The following SIN3B variants were observed in gnomAD, a reference collection of about 807,000 sequenced individuals.
SIN3B encodes the protein SIN3 transcription regulator family member B, also known as paired amphipathic helix protein Sin3b.
SIN3B carries 19 observed loss-of-function variants against 120.2 expected under a neutral mutation model. The observed-to-expected ratio is 0.16, with a 90% CI of 0.11 to 0.23. SIN3B has a LOEUF of 0.23. Among genes scored for constraint, SIN3B ranks in the 10% least tolerant of loss-of-function variants. SIN3B has a pLI of 1.00. For missense variants in SIN3B, 1,073 were observed against 1,573.0 expected, an observed-to-expected ratio of 0.68 and a Z score of 5.38; for synonymous variants, 654 against 653.2, an observed-to-expected ratio of 1.00 and a Z score of -0.02.
chr19:16,861,763 C>CAA (rs959913779), intron 8 of SIN3B, among the ~76,000 whole-genome samples: 98 of 74,426 alleles, frequency 1.3e-3, no homozygotes, highest in Middle Eastern at 7.8e-3. Context: ...AACTCTGTCT[C>CAA]AAAAAAAAAA....
chr19:16,853,737 A>G (rs2144597857), intron 7 of SIN3B, among the ~76,000 whole-genome samples: 1 of 143,570 alleles, frequency 7.0e-6, no homozygotes, highest in Non-Finnish European at 1.5e-5. Context: ...GATCACATGC[A>G]CGAACTGAAT....
chr19:16,860,669 C>T (rs1417047121), intron 8 of SIN3B, among the ~76,000 whole-genome samples: 19 of 147,448 alleles, frequency 1.3e-4, no homozygotes, highest in African/African-American at 3.8e-4. Flanking sequence ...GGCGTGATCT[C>T]GGCTCACTGC....
chr19:16,851,272 A>G (rs911728549), intron 5 of SIN3B, 140 bp from the exon 6 acceptor site: 5 of 920,268 alleles, frequency 5.4e-6, no homozygotes, highest in East Asian at 3.0e-5. Context: ...CACCTCACGC[A>G]TGGACGGAGC....
intron 3 of SIN3B, among the ~76,000 whole-genome samples, chr19:16,833,871 G>A (rs1971311331): frequency 6.6e-6 from 1 of 151,632 alleles, no homozygotes; most frequent in African/African-American, 2.4e-5. Flanking sequence ...TTACAGGCAC[G>A]CTTCATCATG....
rs760000692 is a variant in SIN3B, at chr19:16,851,432, C to T, written c.747C>T (p.Cys249=). The change falls in exon 6 of 19, where the codon TGC becomes TGT. Residue 249 remains cysteine, a synonymous_variant. Transcript: ENST00000248054. ...KRSLFTGNGP[C]EMHSVQKNEH... ...CTTAGTTCACAGGAAACGGGCCGTG[C>T]GAGATGCACAGCGTGCAGAAGAACG... The T allele has an allele frequency of 9.3e-6, 15 of 1,604,626 alleles. No individual in the cohort carries two copies. The highest frequency in any genetic ancestry group is 7.8e-5 in the South Asian group (7 of 89,192).
Position 16,876,395 on chromosome 19 carries a change from G to A in SIN3B, c.2767-91G>A. 2 of 1,439,662 alleles carry A rather than the reference G, an allele frequency of 1.4e-6. No individual in the cohort carries two copies. The highest frequency in any genetic ancestry group is 1.9e-6 in the Non-Finnish European group (2 of 1,046,772). The allele number at this position is 1,439,662 out of a possible 1,614,324, so 89.2% of individuals were successfully genotyped here. A position where few individuals can be genotyped will look rare whatever the true frequency, so the allele number is the denominator to read the frequency against. On this transcript the variant is annotated intron_variant, in intron 15 of 18. Transcript: ENST00000248054. The surrounding 1 kb of genome is among the most constrained non-coding windows in gnomAD (Gnocchi z 7.1). The stretch of plus-strand genomic sequence containing the variant: ...GAAGCATCAGGGCTTTGGGAGGGTG[G>A]CAAAGGCGGGAGGCGGGTGGCCTTG...
intron 16 of SIN3B, 104 bp from the exon 17 acceptor site, chr19:16,877,441 G>C: frequency 1.3e-6 from 1 of 789,090 alleles, no homozygotes; most frequent in South Asian, 1.6e-5. Context: ...TCTGGCAGTG[G>C]GGGGCACAGA....
chr19:16,876,592 C>T lies in SIN3B; in HGVS notation c.2859+14C>T. 1.2e-6 allele frequency: 2 copies of T among 1,605,528 alleles called. No homozygotes were observed. The highest frequency in any genetic ancestry group is 1.1e-5 in the South Asian group (1 of 90,818). On this transcript the variant is annotated intron_variant, in intron 16 of 18. Coordinates refer to ENST00000248054, the MANE Select transcript of SIN3B (RefSeq NM_001297595.2). This position sits in a 1 kb window ranked among gnomAD's most constrained non-coding sequence, Gnocchi z 7.1. ...GTGGAGGTCCAGGTGAGGCCCTGGC[C>T]CCAGTCTGTGCCACGCATACCAGGG...
At chr19:16,845,782 C>G (rs1226534078) in intron 4 of SIN3B, among the ~76,000 whole-genome samples, 1 of 152,162 alleles carries the variant, frequency 6.6e-6, no homozygotes, top group African/African-American at 2.4e-5. Flanking sequence ...TATGCACTAT[C>G]ATGATGGTAG....
chr19:16,871,699 C>T (rs1439827718), intron 14 of SIN3B: 1 of 320,542 alleles, frequency 3.1e-6, no homozygotes, highest in East Asian at 7.0e-5. Context: ...CCCCGAGCCC[C>T]TGACATCCAG....
At position 16,877,361 on chromosome 19, in the gene SIN3B, C is replaced by G. The variant is rs553571224; in HGVS notation, c.2860-184C>G. 7 of 582,252 alleles carry G rather than the reference C, an allele frequency of 1.2e-5. No homozygotes were observed. In the South Asian group the frequency reaches 1.2e-4, roughly 10 times the overall value. The allele number at this position is 582,252 out of a possible 1,614,324, so 36.1% of individuals were successfully genotyped here. A position where few individuals can be genotyped will look rare whatever the true frequency, so the allele number is the denominator to read the frequency against. On this transcript the variant is annotated intron_variant, in intron 16 of 18. Coordinates refer to ENST00000248054, the MANE Select transcript of SIN3B (RefSeq NM_001297595.2). Reference sequence around the variant, plus strand: ...GTGAGTCCCGCTGTCACTGGGTCCTCTGTCAAGAGCTATAGTCTGTTGGGG... The same window carrying G: ...GTGAGTCCCGCTGTCACTGGGTCCTGTGTCAAGAGCTATAGTCTGTTGGGG...
chr19:16,854,290 AG>A lies in SIN3B; in HGVS notation c.1058+35del, dbSNP rs540938170. 86 of 1,463,762 alleles carry A rather than the reference AG, an allele frequency of 5.9e-5. 2 individuals carry two copies. In the South Asian group the frequency reaches 9.5e-4, roughly 16 times the overall value. 90.7% of individuals were successfully genotyped at this position (1,463,762 alleles called of 1,614,324 possible). ...AGCAGCTGACTTCCCAGGGCTCCCT[AG>A]GGGGGTTCTGTTCCTGTCAACTCCA... On this transcript the variant is annotated intron_variant, in intron 8 of 18. Coordinates refer to ENST00000248054, the MANE Select transcript of SIN3B (RefSeq NM_001297595.2).
At position 16,878,669 on chromosome 19, in the gene SIN3B, A is replaced by G; in HGVS notation, c.3335A>G (p.His1112Arg). 1 of 1,613,014 alleles carries G rather than the reference A, an allele frequency of 6.2e-7. No homozygotes were observed. The highest frequency in any genetic ancestry group is 1.1e-5 in the South Asian group (1 of 91,026). Reference protein sequence around the residue: ...CKTLCETVHVHGLPVTRYRVQ... With the variant: ...CKTLCETVHVRGLPVTRYRVQ... ...ACGCTGTGTGAGACAGTGCACGTGC[A>G]CGGCCTGCCCGTGACCCGCTACCGC... The change falls in exon 19 of 19, where the codon CAC (histidine) becomes CGC (arginine). Residue 1112 changes from histidine to arginine, a missense_variant. Coordinates refer to ENST00000248054, the MANE Select transcript of SIN3B (RefSeq NM_001297595.2).
rs1043106800 is a variant in SIN3B at position 16,876,817 on chromosome 19, C to T, written c.2859+239C>T. 1.9e-5 allele frequency: 9 copies of T among 469,142 alleles called. No homozygotes were observed. Among genetic ancestry groups the T allele is most frequent in the Non-Finnish European group, 3.8e-6 (1 of 261,912 alleles). 29.1% of individuals were successfully genotyped at this position (469,142 alleles called of 1,614,324 possible). A position where few individuals can be genotyped will look rare whatever the true frequency, so the allele number is the denominator to read the frequency against. ...ACTCCTCCTGAGCAAGCGGTTGTGT[C>T]CCAGGGCAGGAGGGGAACCAAGCCA... On this transcript the variant is annotated intron_variant, in intron 16 of 18. Coordinates refer to ENST00000248054, the MANE Select transcript of SIN3B (RefSeq NM_001297595.2). The surrounding 1 kb of genome is among the most constrained non-coding windows in gnomAD (Gnocchi z 7.1).
rs781655251 is a variant in SIN3B, at chr19:16,869,712, A to G, written c.2059A>G (p.Ser687Gly). 1 of 1,613,468 alleles carries G rather than the reference A, an allele frequency of 6.2e-7. No homozygotes were observed. The part of the protein sequence containing the change: ...SEESADEDRD[S>G]PQGQTTDPSE... ...GGAGTCAGCTGATGAGGACCGGGAC[A>G]GCCCCCAGGGGCAGACCACAGACCC... Residue 687 changes from serine to glycine, a missense_variant, in exon 13 of 19, where the codon AGC (serine) becomes GGC (glycine). This residue lies in a region of SIN3B where 169 missense variants were observed against 207.3 expected (regional missense o/e 0.82). Coordinates refer to ENST00000248054, the MANE Select transcript of SIN3B (RefSeq NM_001297595.2).
chr19:16,829,722 CA>C, intron 1 of SIN3B, 68 bp from the exon 2 acceptor site: 3 of 1,445,112 alleles, frequency 2.1e-6, no homozygotes, highest in Non-Finnish European at 2.9e-6. Flanking sequence ...CCCTTCCCCT[CA>C]GGGACCCCGG....
chr19:16,877,440 G>T (rs962859744), intron 16 of SIN3B, 105 bp from the exon 17 acceptor site: 3 of 782,338 alleles, frequency 3.8e-6, no homozygotes, highest in African/African-American at 3.4e-5. Context: ...CTCTGGCAGT[G>T]GGGGGCACAG....
At chr19:16,849,569 G>C (rs1971519009) in intron 5 of SIN3B, among the ~76,000 whole-genome samples, 1 of 152,174 alleles carries the variant, frequency 6.6e-6, no homozygotes. Flanking sequence ...CCATTCCCTA[G>C]CCTAGGTGGT....
chr19:16,852,923 C>T lies in SIN3B; in HGVS notation c.850-146C>T, dbSNP rs112367072. 4.4e-3 allele frequency: 2,488 copies of T among 565,052 alleles called. 59 individuals are homozygous for T. Among genetic ancestry groups the T allele is most frequent in the African/African-American group, 0.043 (2,259 of 52,090 alleles). 35.0% of individuals were successfully genotyped at this position (565,052 alleles called of 1,614,324 possible). A position where few individuals can be genotyped will look rare whatever the true frequency, so the allele number is the denominator to read the frequency against. ...ATCTCAGGGGTCCTGGGTAACTGAG[C>T]GGCTCCTGCCTGTCCCTCACTGAGC... On this transcript the variant is annotated intron_variant, in intron 6 of 18. Coordinates refer to ENST00000248054, the MANE Select transcript of SIN3B (RefSeq NM_001297595.2).
Sources: gnomAD v4.1 joint callset for allele counts (sites outside exome capture counted in the v4.1 genomes callset) on GRCh38, gnomAD v4.1.1 for gene constraint, gnomAD v4.1.1 regional missense constraint, Gnocchi (gnomAD v3.1) non-coding constraint, MANE v1.5 for transcripts, NCBI Gene and HGNC (gene_info 2026-07-23, HGNC 2026-07-21) for gene names.